Variants in PDS5B observed in about 807,000 individuals in gnomAD.
PDS5B encodes the protein sister chromatid cohesion protein PDS5 homolog B.
PDS5B carries 51 observed loss-of-function variants against 184.1 expected under a neutral mutation model. The ratio of observed to expected loss-of-function variants is 0.28; its 90% CI spans 0.22 to 0.35. PDS5B has a LOEUF of 0.35. PDS5B is among the 10% of genes least tolerant of loss of function. PDS5B has a pLI of 1.00. For synonymous variants in PDS5B, 566 were observed against 569.2 expected (o/e 0.99, Z 0.08); for missense variants, 1,180 against 1,723.3 (o/e 0.68, Z 5.58).
At chr13:32,696,009 A>G (rs1342303307) in intron 14 of PDS5B, among the ~76,000 whole-genome samples, 1 of 152,136 alleles carries the variant, frequency 6.6e-6, no homozygotes, top group East Asian at 1.9e-4. Flanking sequence ...CCCCCCAAAT[A>G]AAACAGCAAC....
chr13:32,636,224 CAT>C (rs1041316026), intron 1 of PDS5B, among the ~76,000 whole-genome samples: 7 of 150,762 alleles, frequency 4.6e-5, no homozygotes, highest in African/African-American at 1.7e-4. Flanking sequence ...TCATCTGTAA[CAT>C]AGGGATGATT....
intron 30 of PDS5B, among the ~76,000 whole-genome samples, chr13:32,763,254 G>T (rs1047825911): frequency 1.3e-5 from 2 of 152,066 alleles, no homozygotes; most frequent in African/African-American, 4.8e-5. Flanking sequence ...TGAAAGATTT[G>T]CCAGGGAGTC....
chr13:32,744,708 A>G (rs1953683746), intron 23 of PDS5B, among the ~76,000 whole-genome samples: 1 of 152,152 alleles, frequency 6.6e-6, no homozygotes, highest in Non-Finnish European at 1.5e-5. Context: ...TTTACTGATT[A>G]ATAGCTACTT....
intron 13 of PDS5B, chr13:32,689,756 A>G (rs1256472840): frequency 6.6e-6 from 1 of 152,188 alleles, no homozygotes; most frequent in Non-Finnish European, 1.5e-5. Flanking sequence ...ATTACTTGTA[A>G]ACTTTTCTCT....
At chr13:32,740,371 A>G (rs1291780206) in intron 21 of PDS5B, among the ~76,000 whole-genome samples, 2 of 152,186 alleles carry the variant, frequency 1.3e-5, no homozygotes, top group African/African-American at 2.4e-5. Context: ...GCACTTCTCA[A>G]TGGAAGAAAT....
At chr13:32,765,369 C>T (rs915771949) in intron 31 of PDS5B, among the ~76,000 whole-genome samples, 7 of 152,126 alleles carry the variant, frequency 4.6e-5, no homozygotes, top group Non-Finnish European at 8.8e-5. Flanking sequence ...TTCATTGTTA[C>T]GACTTTTGAT....
intron 34 of PDS5B, among the ~76,000 whole-genome samples, chr13:32,774,228 A>G (rs1377379959): frequency 2.6e-5 from 4 of 152,242 alleles, no homozygotes; most frequent in Admixed American, 6.5e-5. Flanking sequence ...GAGAAACCCA[A>G]GCTCTATAAT....
rs1311617635 is a variant in PDS5B, at chr13:32,759,620, G to T, written c.3310-8G>T. 6.7e-7 allele frequency: 1 copy of T among 1,492,402 alleles called. No individual in the cohort carries two copies. The highest frequency in any genetic ancestry group is 1.4e-5 in the African/African-American group (1 of 72,266). The allele number at this position is 1,492,402 out of a possible 1,614,324, so 92.4% of individuals were successfully genotyped here. A position where few individuals can be genotyped will look rare whatever the true frequency, so the allele number is the denominator to read the frequency against. ...TTCACTGACTACTTCTTTTTCTCTT[G>T]GTTGTAGAATTTCAGTAACACCAAA... is the stretch of plus-strand genomic sequence containing the variant. On this transcript the variant is annotated splice_polypyrimidine_tract_variant and splice_region_variant and intron_variant, in intron 28 of 34. Coordinates refer to ENST00000315596, the MANE Select transcript of PDS5B (RefSeq NM_015032.4).
In PDS5B at chr13:32,775,229, C is replaced by G; in HGVS notation, c.*177C>G. On this transcript the variant is annotated 3_prime_UTR_variant, in exon 35 of 35. Coordinates refer to ENST00000315596, the MANE Select transcript of PDS5B (RefSeq NM_015032.4). Reference sequence around the variant, plus strand: ...TTTGTGGTCACATGCTTTAGCCATACACATGGTAACATTGACTATGGAGTC... The same window carrying G: ...TTTGTGGTCACATGCTTTAGCCATAGACATGGTAACATTGACTATGGAGTC... 1.7e-6 allele frequency: 1 copy of G among 598,142 alleles called. No individual in the cohort carries two copies. Among genetic ancestry groups the G allele is most frequent in the Non-Finnish European group, 3.0e-6 (1 of 337,844 alleles). The allele number at this position is 598,142 out of a possible 1,614,324, so 37.1% of individuals were successfully genotyped here.
At chr13:32,657,021 T>A (rs754641135) in intron 3 of PDS5B, among the ~76,000 whole-genome samples, 1 of 152,246 alleles carries the variant, frequency 6.6e-6, no homozygotes, top group Non-Finnish European at 1.5e-5. Context: ...TTAGAGTATG[T>A]GCCATGTGCA....
intron 1 of PDS5B, among the ~76,000 whole-genome samples, chr13:32,610,971 T>C (rs1031684047): frequency 2.0e-5 from 3 of 152,176 alleles, no homozygotes; most frequent in East Asian, 1.9e-4. Context: ...GCTGAAATTA[T>C]CACTTTCCTT....
chr13:32,757,463 C>T (rs902574411), intron 26 of PDS5B, among the ~76,000 whole-genome samples: 4 of 151,946 alleles, frequency 2.6e-5, no homozygotes, highest in Non-Finnish European at 5.9e-5. Flanking sequence ...TCAACTATAA[C>T]TTTGTTCCTT....
At chr13:32,724,215 C>T (rs1428694259) in intron 19 of PDS5B, among the ~76,000 whole-genome samples, 1 of 151,884 alleles carries the variant, frequency 6.6e-6, no homozygotes, top group Non-Finnish European at 1.5e-5. Flanking sequence ...CTTCTGGGCT[C>T]AAGTGACCAT....
At chr13:32,657,961 C>T (rs1425904164) in intron 3 of PDS5B, among the ~76,000 whole-genome samples, 2 of 152,016 alleles carry the variant, frequency 1.3e-5, no homozygotes, top group Admixed American at 6.6e-5. Context: ...TCTCACTTTT[C>T]AGGTTTATTT....
At chr13:32,721,514 A>G (rs1215553837) in intron 19 of PDS5B, among the ~76,000 whole-genome samples, 1 of 148,754 alleles carries the variant, frequency 6.7e-6, no homozygotes, top group African/African-American at 2.5e-5. Context: ...GGCGCTCCTC[A>G]CTTCCCAGAC....
chr13:32,625,716 T>G (rs2058360420), intron 1 of PDS5B, among the ~76,000 whole-genome samples: 1 of 152,158 alleles, frequency 6.6e-6, no homozygotes, highest in Non-Finnish European at 1.5e-5. Flanking sequence ...AAGCATATTG[T>G]TTAATGAGAC....
At chr13:32,600,824 A>T (rs1452642216) in intron 1 of PDS5B, among the ~76,000 whole-genome samples, 2 of 152,260 alleles carry the variant, frequency 1.3e-5, no homozygotes, top group African/African-American at 2.4e-5. Context: ...CGCAGTGGAC[A>T]GCAGCTAAAA....
At chr13:32,668,126 TGATA>T (rs1314698375) in intron 7 of PDS5B, among the ~76,000 whole-genome samples, 1 of 152,186 alleles carries the variant, frequency 6.6e-6, no homozygotes, top group East Asian at 1.9e-4. Context: ...TTGTTTCTAC[TGATA>T]GAAATAGAGT....
chr13:32,664,089 T>C (rs769818990), intron 6 of PDS5B, among the ~76,000 whole-genome samples: 10 of 152,246 alleles, frequency 6.6e-5, no homozygotes, highest in Admixed American at 1.3e-4. Context: ...ATGGTGTATA[T>C]ATACCATGTT....
Sources: allele counts gnomAD v4.1 joint callset (sites outside exome capture counted in the v4.1 genomes callset), GRCh38; gene constraint gnomAD v4.1.1; transcripts MANE v1.5; gene names NCBI Gene and HGNC (gene_info 2026-07-23, HGNC 2026-07-21).